Variants in FSTL5 observed in about 807,000 individuals in gnomAD.
The protein encoded by FSTL5 is follistatin-related protein 5.
Under a neutral mutation model 89.1 loss-of-function variants are expected in FSTL5, and 62 were observed. The ratio of observed to expected loss-of-function variants is 0.70; its 90% CI spans 0.57 to 0.86. FSTL5 has a LOEUF of 0.86. FSTL5 is among the 40% of genes least tolerant of loss of function. FSTL5 has a pLI of 0.00. For synonymous variants in FSTL5, 383 were observed against 346.2 expected (o/e 1.11, Z -1.18); for missense variants, 1,057 against 1,001.6 (o/e 1.06, Z -0.75).
intron 7 of FSTL5, among the ~76,000 whole-genome samples, chr4:161,607,477 C>T (rs529766608): frequency 3.3e-5 from 5 of 152,080 alleles, no homozygotes; most frequent in Admixed American, 2.6e-4. Context: ...TGTTATCTGT[C>T]TGTTTCTGCG....
chr4:161,418,680 T>G (rs1731873983), intron 15 of FSTL5, among the ~76,000 whole-genome samples: 1 of 152,238 alleles, frequency 6.6e-6, no homozygotes, highest in Non-Finnish European at 1.5e-5. Flanking sequence ...TATTACTTTG[T>G]CTATGGTAAA....
At chr4:162,008,250 A>G (rs577796192) in intron 3 of FSTL5, among the ~76,000 whole-genome samples, 4 of 151,936 alleles carry the variant, frequency 2.6e-5, no homozygotes, top group African/African-American at 7.2e-5. Context: ...AAACTTAAAC[A>G]TACTGTATAA....
intron 6 of FSTL5, among the ~76,000 whole-genome samples, chr4:161,659,607 T>C (rs2126685484): frequency 6.6e-6 from 1 of 152,300 alleles, no homozygotes; most frequent in East Asian, 1.9e-4. Context: ...TACATGATCA[T>C]TATTTCTAGA....
At chr4:162,068,135 T>C (rs952522566) in intron 2 of FSTL5, among the ~76,000 whole-genome samples, 2 of 152,092 alleles carry the variant, frequency 1.3e-5, no homozygotes, top group South Asian at 4.1e-4. Flanking sequence ...CTCAAAGTAG[T>C]TTATAGATTC....
chr4:162,158,708 G>T (rs1270323337), intron 1 of FSTL5, among the ~76,000 whole-genome samples: 3 of 151,886 alleles, frequency 2.0e-5, no homozygotes, highest in Non-Finnish European at 4.4e-5. Context: ...GAGTAATTAA[G>T]AATTCAATAG....
intron 3 of FSTL5, among the ~76,000 whole-genome samples, chr4:161,991,204 T>C (rs1736100386): frequency 6.6e-6 from 1 of 152,212 alleles, no homozygotes; most frequent in Non-Finnish European, 1.5e-5. Context: ...TTCACATAAC[T>C]CATTGGTTTG....
intron 6 of FSTL5, among the ~76,000 whole-genome samples, chr4:161,745,013 T>A (rs1201886158): frequency 8.6e-5 from 13 of 150,658 alleles, no homozygotes; most frequent in Admixed American, 8.0e-4. Flanking sequence ...CAAAAGTGAG[T>A]AGTTTCCGGA....
At chr4:161,649,332 T>A (rs1479513461) in intron 7 of FSTL5, among the ~76,000 whole-genome samples, 1 of 152,222 alleles carries the variant, frequency 6.6e-6, no homozygotes, top group African/African-American at 2.4e-5. Context: ...GAGGTTCTTA[T>A]GAAACCTGTT....
intron 3 of FSTL5, among the ~76,000 whole-genome samples, chr4:161,926,267 G>A (rs994464775): frequency 2.0e-5 from 3 of 151,844 alleles, no homozygotes; most frequent in Non-Finnish European, 2.9e-5. Context: ...TGCCACTACT[G>A]AACGACAATC....
At chr4:161,402,660 A>T (rs567400084) in intron 15 of FSTL5, among the ~76,000 whole-genome samples, 1 of 152,226 alleles carries the variant, frequency 6.6e-6, no homozygotes, top group African/African-American at 2.4e-5. Context: ...ATCTGCTATC[A>T]CTTTTATAGC....
At chr4:161,878,089 A>T (rs992609661) in intron 4 of FSTL5, among the ~76,000 whole-genome samples, 3 of 152,126 alleles carry the variant, frequency 2.0e-5, no homozygotes, top group East Asian at 1.9e-4. Flanking sequence ...CACATAAAAA[A>T]TTTTCTGCTC....
chr4:161,594,604 A>C lies in FSTL5; in HGVS notation c.895-7029T>G, dbSNP rs143627157. Among the ~76,000 whole-genome samples, 814 of 152,098 alleles carry C rather than the reference A, an allele frequency of 5.4e-3. 7 individuals are homozygous for C. The highest frequency in any genetic ancestry group is 0.018 in the African/African-American group (741 of 41,532). On this transcript the variant is annotated intron_variant, in intron 7 of 15. Coordinates refer to ENST00000306100, the MANE Select transcript of FSTL5 (RefSeq NM_020116.5). ...TATCTAAATTACCATTACCATTTCT[A>C]AGGTATATTTGTTGATTCATGTTTT...
rs112826141 is a variant in FSTL5 at position 161,443,152 on chromosome 4, CA to C, written c.1841+11851del. Among the ~76,000 whole-genome samples the C allele has an allele frequency of 2.4e-3, 368 of 152,006 alleles. 1 individual carries two copies. Among genetic ancestry groups the C allele is most frequent in the African/African-American group, 7.8e-3 (325 of 41,492 alleles). On this transcript the variant is annotated intron_variant, in intron 15 of 15. Coordinates refer to ENST00000306100, the MANE Select transcript of FSTL5 (RefSeq NM_020116.5). ...AAAGCAAGTCTCTTTCCAAAAGTCC[CA>C]GTAAAAGTCTCACTGCAACATATGG...
intron 4 of FSTL5, among the ~76,000 whole-genome samples, chr4:161,859,007 G>T (rs1319728095): frequency 6.6e-6 from 1 of 152,174 alleles, no homozygotes; most frequent in East Asian, 1.9e-4. Context: ...TGTCTCAGTA[G>T]ACGTCTTATG....
intron 6 of FSTL5, among the ~76,000 whole-genome samples, chr4:161,738,022 G>A (rs1739881039): frequency 6.6e-6 from 1 of 152,114 alleles, no homozygotes; most frequent in South Asian, 2.1e-4. Flanking sequence ...GAATAAAAAT[G>A]GGGATGTTCA....
intron 4 of FSTL5, among the ~76,000 whole-genome samples, chr4:161,860,470 C>T (rs1319512294): frequency 2.6e-5 from 4 of 152,160 alleles, no homozygotes; most frequent in African/African-American, 7.2e-5. Flanking sequence ...ATAGGTCAGA[C>T]TTAAACTTTT....
At chr4:162,100,800 T>C in intron 2 of FSTL5, among the ~76,000 whole-genome samples, 1 of 152,154 alleles carries the variant, frequency 6.6e-6, no homozygotes. Flanking sequence ...TCTGCTCAGT[T>C]TAGCTGTGAA....
intron 6 of FSTL5, among the ~76,000 whole-genome samples, chr4:161,667,799 A>C (rs1471984598): frequency 2.0e-5 from 3 of 152,066 alleles, no homozygotes; most frequent in African/African-American, 7.2e-5. Flanking sequence ...GAATGGGAAC[A>C]TTCTCAACAC....
intron 4 of FSTL5, among the ~76,000 whole-genome samples, chr4:161,809,014 C>T (rs537712726): frequency 6.6e-6 from 1 of 152,196 alleles, no homozygotes; most frequent in East Asian, 1.9e-4. Flanking sequence ...GTCAGAAGAT[C>T]GAGACCATCC....
Sources: gnomAD v4.1 joint callset for allele counts (sites outside exome capture counted in the v4.1 genomes callset) on GRCh38, gnomAD v4.1.1 for gene constraint, MANE v1.5 for transcripts, NCBI Gene and HGNC (gene_info 2026-07-23, HGNC 2026-07-21) for gene names.